Variants in OSBPL10 observed in about 807,000 individuals in gnomAD.
OSBPL10 encodes oxysterol binding protein like 10.
Under a neutral mutation model 81.7 loss-of-function variants are expected in OSBPL10, and 49 were observed. That is an observed-to-expected ratio of 0.60 (90% confidence interval 0.48 to 0.76). The LOEUF (loss-of-function observed/expected upper bound fraction) is 0.76. Ranked by LOEUF, OSBPL10 falls within the 30% of genes least tolerant of loss-of-function variation. The probability of loss-of-function intolerance (pLI) is 0.00; values close to 1 mark genes in which losing one functional copy is unlikely to be tolerated. For synonymous variants in OSBPL10, 419 were observed against 383.6 expected, an observed-to-expected ratio of 1.09 and a Z score of -1.08; for missense variants, 923 against 987.8, an observed-to-expected ratio of 0.93 and a Z score of 0.88.
chr3:32,058,165 G>T (rs1449307815), intron 1 of OSBPL10, among the ~76,000 whole-genome samples: 3 of 152,156 alleles, frequency 2.0e-5, no homozygotes, highest in Non-Finnish European at 4.4e-5. Flanking sequence ...TATGAATGCA[G>T]ACATGTTTAG....
intron 4 of OSBPL10, among the ~76,000 whole-genome samples, chr3:31,818,054 C>G (rs1699889380): frequency 6.6e-6 from 1 of 152,108 alleles, no homozygotes; most frequent in Admixed American, 6.5e-5. Flanking sequence ...AGCAGTGAGC[C>G]AGGATCGTGC....
At position 31,743,579 on chromosome 3, in the gene OSBPL10, T is replaced by C. The variant is rs568881374; in HGVS notation, c.940+4331A>G. ...AGACAAAGGCTCCAAAGCAAACATATATCCCAGAAGACACAATTAAATACT... is the reference window on the plus strand; with the variant it reads ...AGACAAAGGCTCCAAAGCAAACATACATCCCAGAAGACACAATTAAATACT... On this transcript the variant is annotated intron_variant, in intron 5 of 11. Transcript: ENST00000396556. Among the ~76,000 whole-genome samples, 20 of 152,098 alleles carry C rather than the reference T, an allele frequency of 1.3e-4. 1 individual carries two copies. The South Asian group carries it at 4.1e-3, about 32-fold the overall frequency.
At chr3:31,881,410 G>A (rs887247214) in intron 1 of OSBPL10, among the ~76,000 whole-genome samples, 2 of 152,184 alleles carry the variant, frequency 1.3e-5, no homozygotes, top group East Asian at 1.9e-4. Flanking sequence ...GATACATGGC[G>A]AGACTCAACA....
At chr3:31,711,518 G>A (rs927187892) in intron 6 of OSBPL10, among the ~76,000 whole-genome samples, 4 of 152,206 alleles carry the variant, frequency 2.6e-5, no homozygotes, top group African/African-American at 9.7e-5. Context: ...TGTACAGTAA[G>A]TTCTTAAAAG....
intron 3 of OSBPL10, among the ~76,000 whole-genome samples, chr3:31,855,472 G>A (rs1419250175): frequency 6.6e-6 from 1 of 152,080 alleles, no homozygotes; most frequent in African/African-American, 2.4e-5. Flanking sequence ...CTAGCCTCCA[G>A]CCTTGTTTTA....
chr3:31,888,482 A>G (rs1317641570), intron 1 of OSBPL10, among the ~76,000 whole-genome samples: 1 of 152,242 alleles, frequency 6.6e-6, no homozygotes, highest in Non-Finnish European at 1.5e-5. Context: ...TGATCACATC[A>G]AGCTATAAAA....
At chr3:31,797,253 G>A (rs111547237) in intron 4 of OSBPL10, among the ~76,000 whole-genome samples, 111 of 152,090 alleles carry the variant, frequency 7.3e-4, no homozygotes, top group East Asian at 3.9e-3. Context: ...TCGGCCTCCC[G>A]AAGTGCTAGG....
intron 1 of OSBPL10, among the ~76,000 whole-genome samples, chr3:31,931,512 C>G (rs1559522653): frequency 1.3e-5 from 2 of 152,190 alleles, no homozygotes; most frequent in South Asian, 4.1e-4. Flanking sequence ...TGGCCTAGAC[C>G]TGATGAAGTC....
intron 1 of OSBPL10, chr3:32,065,486 C>A (rs940365012): frequency 2.2e-5 from 2 of 92,552 alleles, no homozygotes; most frequent in African/African-American, 5.6e-5. Flanking sequence ...GAACTTTGGC[C>A]AGGCTCCTCT....
intron 4 of OSBPL10, among the ~76,000 whole-genome samples, chr3:31,783,864 G>C (rs1485747736): frequency 1.7e-5 from 1 of 59,272 alleles, no homozygotes; most frequent in African/African-American, 5.6e-5. Flanking sequence ...ATATATGAAT[G>C]AATAAATAAA....
chr3:31,682,070 T>TAGA (rs1559413134), intron 8 of OSBPL10, among the ~76,000 whole-genome samples: 1 of 152,186 alleles, frequency 6.6e-6, no homozygotes, highest in African/African-American at 2.4e-5. Flanking sequence ...CAGATCCTCT[T>TAGA]GGCTCTAACT....
chr3:31,764,938 T>C (rs1698151461), intron 4 of OSBPL10, among the ~76,000 whole-genome samples: 1 of 152,226 alleles, frequency 6.6e-6, no homozygotes, highest in African/African-American at 2.4e-5. Flanking sequence ...TTTCACCAGA[T>C]AGCCTTCCAT....
intron 2 of OSBPL10, among the ~76,000 whole-genome samples, chr3:32,006,270 T>C (rs1220667157): frequency 6.6e-6 from 1 of 152,208 alleles, no homozygotes; most frequent in Non-Finnish European, 1.5e-5. Context: ...TGGTATCCAA[T>C]GAAGTTGAGC....
intron 4 of OSBPL10, among the ~76,000 whole-genome samples, chr3:31,793,781 A>C (rs1342370495): frequency 6.6e-6 from 1 of 152,236 alleles, no homozygotes; most frequent in Non-Finnish European, 1.5e-5. Flanking sequence ...TTGACTATAG[A>C]GAGTTTAGAT....
At chr3:31,812,389 T>A (rs1344997278) in intron 4 of OSBPL10, among the ~76,000 whole-genome samples, 1 of 152,084 alleles carries the variant, frequency 6.6e-6, no homozygotes, top group Admixed American at 6.5e-5. Flanking sequence ...CTAGGCAGGG[T>A]TAAAGGGCAC....
At chr3:31,791,659 A>G (rs997203541) in intron 4 of OSBPL10, among the ~76,000 whole-genome samples, 8 of 151,668 alleles carry the variant, frequency 5.3e-5, no homozygotes, top group African/African-American at 1.4e-4. Context: ...TTTTTTTTCC[A>G]CAAAGCTTTA....
chr3:31,764,484 G>A (rs947632055), intron 4 of OSBPL10, among the ~76,000 whole-genome samples: 2 of 152,154 alleles, frequency 1.3e-5, no homozygotes, highest in Admixed American at 6.5e-5. Flanking sequence ...GCAAAACAGG[G>A]GAAGAAGAGA....
intron 1 of OSBPL10, among the ~76,000 whole-genome samples, chr3:32,050,691 C>T (rs1451287980): frequency 5.6e-5 from 8 of 142,086 alleles, no homozygotes; most frequent in African/African-American, 1.6e-4. Context: ...GATGAAGTTT[C>T]GCTCTTGTTG....
intron 4 of OSBPL10, among the ~76,000 whole-genome samples, chr3:31,767,050 C>T (rs1698223387): frequency 6.6e-6 from 1 of 152,136 alleles, no homozygotes; most frequent in Admixed American, 6.5e-5. Flanking sequence ...CTGGTGATTC[C>T]TAAGTCTAGA....
Sources: allele counts gnomAD v4.1 joint callset (sites outside exome capture counted in the v4.1 genomes callset), GRCh38; gene constraint gnomAD v4.1.1; transcripts MANE v1.5; gene names NCBI Gene and HGNC (gene_info 2026-07-23, HGNC 2026-07-21).